KCNJ6: variants seen among roughly 807,000 people sequenced by gnomAD.
KCNJ6 encodes potassium inwardly rectifying channel subfamily J member 6, also known as G protein-activated inward rectifier potassium channel 2.
In KCNJ6, 9 loss-of-function variants were observed where a neutral mutation model predicts 34.2. That is an observed-to-expected ratio of 0.26 (90% CI 0.16 to 0.46). The LOEUF (loss-of-function observed/expected upper bound fraction) is 0.46, where lower values mean the gene tolerates loss of function less well. Among genes scored for constraint, KCNJ6 ranks in the 20% least tolerant of loss-of-function variants. The pLI, the probability that KCNJ6 is intolerant of heterozygous loss-of-function variation, is 1.00. For missense variants in KCNJ6, 236 were observed against 531.3 expected (o/e 0.44, Z 5.46); for synonymous variants, 196 against 207.1 (o/e 0.95, Z 0.46).
At chr21:37,915,351 G>A (rs2123658251) in intron 1 of KCNJ6, among the ~76,000 whole-genome samples, 1 of 152,256 alleles carries the variant, frequency 6.6e-6, no homozygotes, top group East Asian at 1.9e-4. Context: ...CGGTTTTAAG[G>A]ATAGAGAACA....
chr21:37,837,976 T>C (rs1008171157), intron 2 of KCNJ6, among the ~76,000 whole-genome samples: 9 of 152,238 alleles, frequency 5.9e-5, no homozygotes, highest in Admixed American at 3.9e-4. Flanking sequence ...TCTTATATAT[T>C]TTATAATTTG....
At chr21:37,860,084 C>G (rs948013860) in intron 1 of KCNJ6, among the ~76,000 whole-genome samples, 4 of 152,158 alleles carry the variant, frequency 2.6e-5, no homozygotes, top group African/African-American at 7.2e-5. Flanking sequence ...GACAGGTCAC[C>G]CGGTGCAATG....
At position 37,620,664 on chromosome 21, in the gene KCNJ6, C is replaced by G. The variant is rs1299164045; in HGVS notation, c.*4495G>C. On this transcript the variant is annotated 3_prime_UTR_variant, in exon 4 of 4. Coordinates refer to ENST00000609713, the MANE Select transcript of KCNJ6 (RefSeq NM_002240.5). Reference sequence around the variant, plus strand: ...ATGATTCACTGGCCTTTAAACTTGGCCAATTTGCCCAAACCCTAGTTTTCC... The same window carrying G: ...ATGATTCACTGGCCTTTAAACTTGGGCAATTTGCCCAAACCCTAGTTTTCC... 1.8e-4 allele frequency: 27 copies of G among 151,956 alleles called. No individual in the cohort carries two copies. The highest frequency in any genetic ancestry group is 2.9e-5 in the Non-Finnish European group (2 of 68,008). 9.4% of individuals were successfully genotyped at this position (151,956 alleles called of 1,614,324 possible).
chr21:37,782,133 A>T (rs1045807327), intron 2 of KCNJ6, among the ~76,000 whole-genome samples: 3 of 151,100 alleles, frequency 2.0e-5, no homozygotes, highest in African/African-American at 7.3e-5. Context: ...AAAGAGAGTG[A>T]GAGAGAGAGA....
At chr21:37,741,305 C>A (rs765080350) in intron 2 of KCNJ6, among the ~76,000 whole-genome samples, 10 of 152,142 alleles carry the variant, frequency 6.6e-5, no homozygotes, top group Non-Finnish European at 1.0e-4. Flanking sequence ...AGGAGAATGA[C>A]CTTTCTGGAT....
In KCNJ6 at chr21:37,662,636, T is replaced by A. The variant is rs2211841; in HGVS notation, c.947-37152A>T. Among the ~76,000 whole-genome samples the A allele has an allele frequency of 7.9e-3, 1,197 of 152,320 alleles. 11 individuals carry two copies. The highest frequency in any genetic ancestry group is 0.013 in the Non-Finnish European group (916 of 68,020). ...TTAGGTATATACCCAGTAATGCGAT[T>A]GCTGGGTCATATGATATTTCTGGTT... On this transcript the variant is annotated intron_variant, in intron 3 of 3. Coordinates refer to ENST00000609713, the MANE Select transcript of KCNJ6 (RefSeq NM_002240.5).
chr21:37,682,498 T>G (rs1628932), intron 3 of KCNJ6, among the ~76,000 whole-genome samples: 134,312 of 152,102 alleles, frequency 0.88, 60,055 homozygotes, highest in Non-Finnish European at 0.95. Context: ...GGCATTCCTT[T>G]GCTGGTGGCT....
chr21:37,908,557 T>C (rs1361848863), intron 1 of KCNJ6, among the ~76,000 whole-genome samples: 4 of 152,190 alleles, frequency 2.6e-5, no homozygotes, highest in Non-Finnish European at 4.4e-5. Flanking sequence ...GTGGGTGTAA[T>C]TGTCAAGATT....
intron 1 of KCNJ6, among the ~76,000 whole-genome samples, chr21:37,844,063 C>T (rs2055494023): frequency 2.0e-5 from 2 of 99,118 alleles, no homozygotes; most frequent in South Asian, 3.7e-4. Context: ...TGATATTTTG[C>T]ATTTTTTTTT....
chr21:37,782,380 T>C (rs1016111314), intron 2 of KCNJ6, among the ~76,000 whole-genome samples: 1 of 152,198 alleles, frequency 6.6e-6, no homozygotes, highest in Admixed American at 6.5e-5. Flanking sequence ...AGGAAACTAA[T>C]GTACACACAT....
At chr21:37,745,926 CTT>C (rs1810029411) in intron 2 of KCNJ6, among the ~76,000 whole-genome samples, 1 of 152,192 alleles carries the variant, frequency 6.6e-6, no homozygotes, top group Admixed American at 6.5e-5. Flanking sequence ...AAATAACAAA[CTT>C]TTGTTTCTCA....
At chr21:37,721,672 G>C (rs923074471) in intron 2 of KCNJ6, among the ~76,000 whole-genome samples, 1 of 152,136 alleles carries the variant, frequency 6.6e-6, no homozygotes, top group African/African-American at 2.4e-5. Flanking sequence ...AGACACAAAA[G>C]GACAAACATA....
intron 2 of KCNJ6, among the ~76,000 whole-genome samples, chr21:37,784,894 T>G (rs573131656): frequency 1.2e-4 from 18 of 152,290 alleles, no homozygotes; most frequent in Admixed American, 1.0e-3. Flanking sequence ...TCCTCCAGAA[T>G]CTGTTTGTCA....
At chr21:37,747,898 G>A (rs541564740) in intron 2 of KCNJ6, among the ~76,000 whole-genome samples, 10 of 152,298 alleles carry the variant, frequency 6.6e-5, no homozygotes, top group East Asian at 3.9e-4. Context: ...CAAGTTTATC[G>A]TAGTTTGTTC....
intron 1 of KCNJ6, among the ~76,000 whole-genome samples, chr21:37,857,628 C>A (rs2055571828): frequency 6.6e-6 from 1 of 152,182 alleles, no homozygotes; most frequent in Non-Finnish European, 1.5e-5. Context: ...GAACTTTACT[C>A]TAGCCCAAGA....
intron 2 of KCNJ6, among the ~76,000 whole-genome samples, chr21:37,772,155 T>A (rs2055120621): frequency 6.6e-6 from 1 of 152,156 alleles, no homozygotes; most frequent in African/African-American, 2.4e-5. Context: ...TGTTTCATAG[T>A]AAAAACAAAG....
At position 37,614,507 on chromosome 21, in the gene KCNJ6, T is replaced by TGTGTATG. The variant is rs1491156786; in HGVS notation, c.*10651_*10652insCATACAC. The TGTGTATG allele has an allele frequency of 2.1e-5, 3 of 146,192 alleles. No individual in the cohort carries two copies. Among genetic ancestry groups the TGTGTATG allele is most frequent in the South Asian group, 2.2e-4 (1 of 4,534 alleles). 9.1% of individuals were successfully genotyped at this position (146,192 alleles called of 1,614,324 possible). A position where few individuals can be genotyped will look rare whatever the true frequency, so the allele number is the denominator to read the frequency against. ...GTGTCTGTGTGCGTGTATGCATGTG[T>TGTGTATG]CTCTGTATGCATGTGTGTATGCATG... On this transcript the variant is annotated 3_prime_UTR_variant, in exon 4 of 4. Coordinates refer to ENST00000609713, the MANE Select transcript of KCNJ6 (RefSeq NM_002240.5).
At chr21:37,641,977 C>A (rs1270006047) in intron 3 of KCNJ6, among the ~76,000 whole-genome samples, 1 of 152,184 alleles carries the variant, frequency 6.6e-6, no homozygotes, top group East Asian at 1.9e-4. Context: ...GAGAAGGACA[C>A]CCAGGTTTCT....
chr21:37,879,580 C>A (rs190623418), intron 1 of KCNJ6, among the ~76,000 whole-genome samples: 1 of 151,982 alleles, frequency 6.6e-6, no homozygotes, highest in Non-Finnish European at 1.5e-5. Flanking sequence ...CAGAGGAAGG[C>A]CTATTTGCCC....
Sources: allele counts gnomAD v4.1 joint callset (sites outside exome capture counted in the v4.1 genomes callset), GRCh38; gene constraint gnomAD v4.1.1; transcripts MANE v1.5; gene names NCBI Gene and HGNC (gene_info 2026-07-23, HGNC 2026-07-21).